Variants in FBXL7 observed in about 807,000 individuals in gnomAD.
FBXL7 encodes the protein F-box and leucine rich repeat protein 7.
FBXL7 carries 12 observed loss-of-function variants against 38.3 expected under a neutral mutation model. The ratio of observed to expected loss-of-function variants is 0.31; its 90% CI spans 0.20 to 0.51. The LOEUF (loss-of-function observed/expected upper bound fraction) is 0.51, where lower values mean the gene tolerates loss of function less well. Among genes scored for constraint, FBXL7 ranks in the 20% least tolerant of loss-of-function variants. FBXL7 has a pLI of 0.98. For missense variants in FBXL7, 567 were observed against 676.4 expected (o/e 0.84, Z 1.79); for synonymous variants, 297 against 300.9 (o/e 0.99, Z 0.13).
chr5:15,917,525 T>C (rs1218039230), intron 2 of FBXL7, among the ~76,000 whole-genome samples: 2 of 152,070 alleles, frequency 1.3e-5, no homozygotes, highest in East Asian at 3.9e-4. Flanking sequence ...GGAGGATCCC[T>C]TGAGTCCAGG....
intron 1 of FBXL7, among the ~76,000 whole-genome samples, chr5:15,569,681 G>C (rs1303261842): frequency 6.6e-6 from 1 of 152,004 alleles, no homozygotes; most frequent in Admixed American, 6.6e-5. Context: ...TTTTCAAAGG[G>C]AATGCTTCCA....
At chr5:15,562,541 C>CT (rs941006834) in intron 1 of FBXL7, among the ~76,000 whole-genome samples, 1 of 151,908 alleles carries the variant, frequency 6.6e-6, no homozygotes, top group Non-Finnish European at 1.5e-5. Flanking sequence ...TTATACCTCA[C>CT]TTTTTTTTAG....
intron 2 of FBXL7, among the ~76,000 whole-genome samples, chr5:15,619,687 A>T (rs1740563897): frequency 6.6e-6 from 1 of 152,158 alleles, no homozygotes; most frequent in African/African-American, 2.4e-5. Flanking sequence ...AATGGTATTG[A>T]TTTTTTAAAA....
intron 2 of FBXL7, among the ~76,000 whole-genome samples, chr5:15,782,490 G>A (rs1057497035): frequency 3.9e-5 from 6 of 152,064 alleles, no homozygotes; most frequent in Non-Finnish European, 8.8e-5. Flanking sequence ...CCAGCATCTC[G>A]TTTCCTGACT....
At chr5:15,712,270 C>T (rs1743898932) in intron 2 of FBXL7, among the ~76,000 whole-genome samples, 1 of 148,252 alleles carries the variant, frequency 6.7e-6, no homozygotes, top group Admixed American at 6.7e-5. Context: ...AGCCTTTATA[C>T]AATTTATATC....
chr5:15,917,930 G>T lies in FBXL7; in HGVS notation c.128-9960G>T, dbSNP rs1741638312. Among the ~76,000 whole-genome samples, 4 of 152,098 alleles carry T rather than the reference G, an allele frequency of 2.6e-5. No individual in the cohort carries two copies. The South Asian group carries it at 8.3e-4, about 32-fold the overall frequency. ...CTCAGGGATGAAAATGAAACTTCCT[G>T]CTTTCCATTAAAGAGTAAATATTAC... On this transcript the variant is annotated intron_variant, in intron 2 of 3. Coordinates refer to ENST00000504595, the MANE Select transcript of FBXL7 (RefSeq NM_012304.5).
chr5:15,560,375 C>A (rs1041577873), intron 1 of FBXL7, among the ~76,000 whole-genome samples: 1 of 152,148 alleles, frequency 6.6e-6, no homozygotes, highest in South Asian at 2.1e-4. Flanking sequence ...TTAAAAAATA[C>A]ATAAATCAAG....
chr5:15,692,629 C>G (rs774115476), intron 2 of FBXL7, among the ~76,000 whole-genome samples: 1 of 152,176 alleles, frequency 6.6e-6, no homozygotes, highest in Non-Finnish European at 1.5e-5. Flanking sequence ...GGACTTCATC[C>G]AGGCCTGATC....
At chr5:15,720,824 A>G (rs1480686001) in intron 2 of FBXL7, among the ~76,000 whole-genome samples, 2 of 119,728 alleles carry the variant, frequency 1.7e-5, no homozygotes, top group Middle Eastern at 4.4e-3. Context: ...TTATTATTAT[A>G]TTGTATAAGA....
chr5:15,823,867 G>T (rs576097971), intron 2 of FBXL7, among the ~76,000 whole-genome samples: 1 of 152,266 alleles, frequency 6.6e-6, no homozygotes, highest in Admixed American at 6.5e-5. Context: ...AGCACACTTT[G>T]ACCTGGCATT....
chr5:15,805,722 T>C (rs1276865728), intron 2 of FBXL7, among the ~76,000 whole-genome samples: 2 of 152,090 alleles, frequency 1.3e-5, no homozygotes, highest in African/African-American at 2.4e-5. Context: ...AAAAAAAGGG[T>C]ATATTTAATC....
At chr5:15,878,994 C>G (rs1740327592) in intron 2 of FBXL7, among the ~76,000 whole-genome samples, 1 of 152,204 alleles carries the variant, frequency 6.6e-6, no homozygotes, top group Non-Finnish European at 1.5e-5. Flanking sequence ...TTAGGTCCAT[C>G]TAGATCAGTT....
At position 15,593,774 on chromosome 5, in the gene FBXL7, A is replaced by G. The variant is rs573849036; in HGVS notation, c.38-22209A>G. Among the ~76,000 whole-genome samples the G allele has an allele frequency of 2.0e-4, 30 of 152,152 alleles. 1 individual carries two copies. In the South Asian group the frequency reaches 5.2e-3, roughly 26 times the overall value. On this transcript the variant is annotated intron_variant, in intron 1 of 3. Coordinates refer to ENST00000504595, the MANE Select transcript of FBXL7 (RefSeq NM_012304.5). ...GTTCTCTTTTTGCTGAATATATGCT[A>G]TTTCTCTGTGCTAATTGGCAACTCA... is the stretch of plus-strand genomic sequence containing the variant.
At chr5:15,935,390 A>C in intron 3 of FBXL7, 1 of 381,642 alleles carries the variant, frequency 2.6e-6, no homozygotes, top group East Asian at 7.8e-5. Flanking sequence ...CGTCATCCCG[A>C]GGCTTTGCAC....
At chr5:15,760,160 C>G (rs937646745) in intron 2 of FBXL7, among the ~76,000 whole-genome samples, 18 of 151,844 alleles carry the variant, frequency 1.2e-4, no homozygotes, top group African/African-American at 4.1e-4. Flanking sequence ...GCCTCCAGCC[C>G]CCTATTGGGG....
chr5:15,725,795 C>T (rs1323296342), intron 2 of FBXL7, among the ~76,000 whole-genome samples: 2 of 152,096 alleles, frequency 1.3e-5, no homozygotes, highest in East Asian at 3.9e-4. Flanking sequence ...ACCACCACAG[C>T]CGGCTAATTT....
chr5:15,870,192 A>G (rs1028425555), intron 2 of FBXL7, among the ~76,000 whole-genome samples: 3 of 151,906 alleles, frequency 2.0e-5, no homozygotes, highest in South Asian at 2.1e-4. Flanking sequence ...TAAATGATCC[A>G]TGGGGGTGGG....
chr5:15,726,970 GTCATATCCTTTTGTTGTGTATTCAA>G (rs1165695841), intron 2 of FBXL7, among the ~76,000 whole-genome samples: 1 of 151,330 alleles, frequency 6.6e-6, no homozygotes. Context: ...TTTACTTTCT[GTCATATCCTTTTGTTGTGTATTCAA>G]TAGGTATTTT....
chr5:15,598,049 T>A (rs531782508), intron 1 of FBXL7, among the ~76,000 whole-genome samples: 1 of 152,226 alleles, frequency 6.6e-6, no homozygotes, highest in African/African-American at 2.4e-5. Context: ...GCAATTTATA[T>A]GATAAAAGGG....
Sources: allele counts gnomAD v4.1 joint callset (sites outside exome capture counted in the v4.1 genomes callset), GRCh38; gene constraint gnomAD v4.1.1; transcripts MANE v1.5; gene names NCBI Gene and HGNC (gene_info 2026-07-23, HGNC 2026-07-21).